The following CAPRIN2 variants were observed in gnomAD, a reference collection of about 807,000 sequenced individuals.
The protein encoded by CAPRIN2 is caprin family member 2.
Under a neutral mutation model 130.4 loss-of-function variants are expected in CAPRIN2, and 66 were observed. The ratio of observed to expected loss-of-function variants is 0.51; its 90% CI spans 0.42 to 0.62. CAPRIN2 has a LOEUF of 0.62. Among genes scored for constraint, CAPRIN2 ranks in the 20% least tolerant of loss-of-function variants. CAPRIN2 has a pLI of 0.00. For synonymous variants in CAPRIN2, 471 were observed against 444.1 expected, an observed-to-expected ratio of 1.06 and a Z score of -0.76; for missense variants, 1,185 against 1,246.6, an observed-to-expected ratio of 0.95 and a Z score of 0.74.
intron 11 of CAPRIN2, among the ~76,000 whole-genome samples, chr12:30,722,769 C>T (rs1565585706): frequency 6.6e-6 from 1 of 151,994 alleles, no homozygotes; most frequent in African/African-American, 2.4e-5. Context: ...GGTGTGGTGG[C>T]AGGCCCTATA....
intron 2 of CAPRIN2, 117 bp from the exon 4 acceptor site, chr12:30,741,223 A>C: frequency 2.0e-6 from 1 of 493,768 alleles, no homozygotes; most frequent in Non-Finnish European, 3.5e-6. Context: ...TTTACTATAC[A>C]TACACAAAAA....
intron 14 of CAPRIN2, among the ~76,000 whole-genome samples, chr12:30,714,227 G>A (rs1419293567): frequency 2.6e-5 from 4 of 152,162 alleles, no homozygotes; most frequent in Non-Finnish European, 5.9e-5. Flanking sequence ...TGTTACTCAG[G>A]CTGGAGCACA....
At chr12:30,735,291 T>A (rs1254768189) in intron 3 of CAPRIN2, 85 bp from the exon 5 acceptor site, 4 of 951,886 alleles carry the variant, frequency 4.2e-6, no homozygotes, top group African/African-American at 3.2e-5. Flanking sequence ...TAAACCCAAA[T>A]AGCTGAGATT....
chr12:30,712,487 T>A (rs777158150), intron 15 of CAPRIN2, among the ~76,000 whole-genome samples: 1 of 152,160 alleles, frequency 6.6e-6, no homozygotes, highest in African/African-American at 2.4e-5. Context: ...GAGGATCACA[T>A]AATAACATCT....
At chr12:30,722,074 A>G (rs1254216894) in intron 11 of CAPRIN2, among the ~76,000 whole-genome samples, 1 of 152,198 alleles carries the variant, frequency 6.6e-6, no homozygotes, top group Non-Finnish European at 1.5e-5. Context: ...ACAGATGCTA[A>G]ATTAAGGCAT....
intron 15 of CAPRIN2, among the ~76,000 whole-genome samples, chr12:30,713,566 A>G (rs759137336): frequency 6.6e-6 from 1 of 152,204 alleles, no homozygotes; most frequent in Non-Finnish European, 1.5e-5. Flanking sequence ...TAATGTCCTT[A>G]ACACCTTCTA....
exon 1 of CAPRIN2, chr12:30,753,995 A>C (rs2075201314): frequency 8.1e-6 from 4 of 494,902 alleles, no homozygotes; most frequent in African/African-American, 1.9e-5. Context: ...CCTAAGGCTG[A>C]GCCACTCAAA....
intron 1 of CAPRIN2, chr12:30,751,469 A>C (rs2139935237): frequency 4.5e-6 from 1 of 223,520 alleles, no homozygotes; most frequent in Non-Finnish European, 9.1e-6. Context: ...ACAGGGAACA[A>C]TTTTGTCCCC....
At chr12:30,747,364 T>C (rs903786701) in intron 2 of CAPRIN2, among the ~76,000 whole-genome samples, 3 of 152,170 alleles carry the variant, frequency 2.0e-5, no homozygotes, top group African/African-American at 4.8e-5. Context: ...AGGAGTAATT[T>C]TGACTTTCAC....
intron 2 of CAPRIN2, among the ~76,000 whole-genome samples, chr12:30,744,503 A>C (rs1192243250): frequency 6.6e-6 from 1 of 152,170 alleles, no homozygotes. Flanking sequence ...GTTCCTTCTC[A>C]GAGCCTTTAC....
intron 2 of CAPRIN2, among the ~76,000 whole-genome samples, chr12:30,749,230 G>C (rs7973128): frequency 6.6e-6 from 1 of 152,136 alleles, no homozygotes; most frequent in Non-Finnish European, 1.5e-5. Flanking sequence ...TGGAGCTAGC[G>C]AGGGAAAGAA....
intron 2 of CAPRIN2, among the ~76,000 whole-genome samples, chr12:30,744,553 C>T (rs1374859268): frequency 6.6e-6 from 1 of 152,098 alleles, no homozygotes; most frequent in Non-Finnish European, 1.5e-5. Context: ...CTTCTTCCTC[C>T]CTCCCCCCTT....
intron 10 of CAPRIN2, 55 bp downstream of exon 11, chr12:30,724,315 A>T (rs2060253294): frequency 1.1e-5 from 11 of 1,038,462 alleles, no homozygotes; most frequent in Non-Finnish European, 1.5e-5. Context: ...GACAACAACA[A>T]CAAATAGCTG....
intron 13 of CAPRIN2, 65 bp downstream of exon 15, chr12:30,716,443 G>C: frequency 2.1e-6 from 3 of 1,429,012 alleles, no homozygotes; most frequent in Admixed American, 3.5e-5. Context: ...AGACTTCCTA[G>C]ACTTGCTGTC....
intron 12 of CAPRIN2, among the ~76,000 whole-genome samples, chr12:30,717,695 G>C (rs1160505753): frequency 6.6e-6 from 1 of 151,966 alleles, no homozygotes; most frequent in Non-Finnish European, 1.5e-5. Flanking sequence ...TAATAATGCT[G>C]AGAATAAAAG....
intron 8 of CAPRIN2, among the ~76,000 whole-genome samples, chr12:30,727,911 T>C (rs1322466008): frequency 6.6e-6 from 1 of 152,060 alleles, no homozygotes; most frequent in East Asian, 1.9e-4. Flanking sequence ...CATAAATGAG[T>C]AGAAGAGAAG....
chr12:30,734,807 G>C (rs891306058), intron 4 of CAPRIN2, 161 bp downstream of exon 5: 1 of 613,662 alleles, frequency 1.6e-6, no homozygotes, highest in South Asian at 2.0e-5. Context: ...TTTCCATATT[G>C]AATCAAATTA....
chr12:30,751,407 C>A (rs1277996921), intron 1 of CAPRIN2: 1 of 349,660 alleles, frequency 2.9e-6, no homozygotes, highest in South Asian at 3.2e-5. Context: ...GACTACTTAA[C>A]CCATGGGGAC....
intron 11 of CAPRIN2, among the ~76,000 whole-genome samples, chr12:30,722,730 C>T (rs930724852): frequency 2.6e-5 from 4 of 152,102 alleles, no homozygotes; most frequent in African/African-American, 4.8e-5. Context: ...GAAACCCTGT[C>T]TCTACTAAAA....
Sources: gnomAD v4.1 joint callset for allele counts (sites outside exome capture counted in the v4.1 genomes callset) on GRCh38, gnomAD v4.1.1 for gene constraint, MANE v1.5 for transcripts, NCBI Gene and HGNC (gene_info 2026-07-23, HGNC 2026-07-21) for gene names.